DPP6: variants seen among roughly 807,000 people sequenced by gnomAD.
DPP6 encodes the protein A-type potassium channel modulatory protein DPP6.
Under a neutral mutation model 122.6 loss-of-function variants are expected in DPP6, and 69 were observed. That is an observed-to-expected ratio of 0.56 (90% CI 0.46 to 0.69). DPP6 has a LOEUF of 0.69. Among genes scored for constraint, DPP6 ranks in the 30% least tolerant of loss-of-function variants. The pLI is 0.00. For missense variants in DPP6, 928 were observed against 1,116.9 expected, an observed-to-expected ratio of 0.83 and a Z score of 2.41; for synonymous variants, 418 against 433.1, an observed-to-expected ratio of 0.97 and a Z score of 0.43.
chr7:154,260,390 T>C (rs1027707196), intron 1 of DPP6, among the ~76,000 whole-genome samples: 5 of 152,098 alleles, frequency 3.3e-5, no homozygotes, highest in Admixed American at 6.6e-5. Flanking sequence ...GGTGCACCTA[T>C]CGCCCAAGCA....
the DPP6 span, among the ~76,000 whole-genome samples, chr7:153,863,601 G>T: frequency 6.6e-6 from 1 of 152,054 alleles, no homozygotes; most frequent in Non-Finnish European, 1.5e-5. Context: ...AAATAAATAC[G>T]ACGTGGAAAT....
At chr7:154,474,704 G>A (rs1822569693) in intron 2 of DPP6, among the ~76,000 whole-genome samples, 2 of 152,082 alleles carry the variant, frequency 1.3e-5, no homozygotes, top group African/African-American at 4.8e-5. Context: ...CTTACATGCT[G>A]CAGGTGTGGG....
At chr7:154,214,061 A>G (rs1232352803) in intron 1 of DPP6, among the ~76,000 whole-genome samples, 2 of 152,208 alleles carry the variant, frequency 1.3e-5, no homozygotes, top group African/African-American at 4.8e-5. Context: ...GAAGCCCCCA[A>G]GGACAGCTGG....
At chr7:154,425,648 G>GTGTTTT (rs1817856231) in intron 1 of DPP6, among the ~76,000 whole-genome samples, 3 of 147,516 alleles carry the variant, frequency 2.0e-5, no homozygotes, top group Non-Finnish European at 4.4e-5. Context: ...GTGTGTGTGT[G>GTGTTTT]TGTGTGTTTA....
At chr7:154,674,190 T>A (rs1407805150) in intron 7 of DPP6, among the ~76,000 whole-genome samples, 2 of 152,202 alleles carry the variant, frequency 1.3e-5, no homozygotes, top group Admixed American at 6.5e-5. Flanking sequence ...ATGTTTCTTT[T>A]CTTTGATCTT....
chr7:153,978,323 CAT>C (rs1186036871), intron 1 of DPP6, among the ~76,000 whole-genome samples: 7 of 152,156 alleles, frequency 4.6e-5, no homozygotes, highest in Non-Finnish European at 8.8e-5. Flanking sequence ...AGATTTTTTT[CAT>C]ATGTTTGTTG....
chr7:154,000,746 G>A (rs949039439), intron 1 of DPP6, among the ~76,000 whole-genome samples: 12 of 152,048 alleles, frequency 7.9e-5, no homozygotes, highest in South Asian at 4.2e-4. Context: ...GCTCTTCTTC[G>A]CGTATTCATC....
intron 1 of DPP6, among the ~76,000 whole-genome samples, chr7:154,419,494 C>T (rs945668307): frequency 1.3e-5 from 2 of 152,204 alleles, no homozygotes; most frequent in Non-Finnish European, 2.9e-5. Flanking sequence ...GTGCAGAATG[C>T]GTTCTCCTTT....
rs546132862 is a variant in DPP6 at position 154,337,290 on chromosome 7, C to G, written c.244-108924C>G. 8.5e-4 allele frequency among the ~76,000 whole-genome samples: 130 copies of G among 152,328 alleles called. 1 individual carries two copies. The highest frequency in any genetic ancestry group is 1.6e-3 in the Admixed American group (25 of 15,308). ...GCCCCCGGCCAGGGTGGTACCCACA[C>G]ACATCTGCACATGACTTTCTCAGTC... On this transcript the variant is annotated intron_variant, in intron 1 of 25. Transcript: ENST00000377770.
intron 2 of DPP6, among the ~76,000 whole-genome samples, chr7:154,450,028 A>ATAAG (rs2151296032): frequency 6.6e-6 from 1 of 151,044 alleles, no homozygotes; most frequent in South Asian, 2.1e-4. Context: ...AAATAAATAA[A>ATAAG]TAAATAAATA....
the DPP6 span, among the ~76,000 whole-genome samples, chr7:153,843,159 T>TGTGCATACACACACGA: frequency 2.0e-5 from 3 of 150,396 alleles, no homozygotes; most frequent in Non-Finnish European, 3.0e-5. Flanking sequence ...CATGCACATA[T>TGTGCATACACACACGA]GTGCATACAC....
At chr7:154,071,888 A>G (rs1172053996) in intron 1 of DPP6, among the ~76,000 whole-genome samples, 4 of 152,054 alleles carry the variant, frequency 2.6e-5, no homozygotes, top group Non-Finnish European at 4.4e-5. Context: ...AATGCAGCTA[A>G]ATTAGTCTAA....
intron 1 of DPP6, among the ~76,000 whole-genome samples, chr7:154,181,847 C>G (rs1245043090): frequency 6.6e-6 from 1 of 150,462 alleles, no homozygotes; most frequent in Non-Finnish European, 1.5e-5. Context: ...CCTCCCTGTT[C>G]AAGTGATTCT....
chr7:154,291,632 GAATTTCT>G (rs1805218241), intron 1 of DPP6, among the ~76,000 whole-genome samples: 1 of 152,120 alleles, frequency 6.6e-6, no homozygotes, highest in Admixed American at 6.5e-5. Context: ...ACAGACTCCT[GAATTTCT>G]AAGTTCAGGT....
chr7:153,890,189 A>G (rs546313620), intron 1 of DPP6, among the ~76,000 whole-genome samples: 1 of 152,388 alleles, frequency 6.6e-6, no homozygotes, highest in East Asian at 1.9e-4. Context: ...TCTACTTTGC[A>G]GTAACAGTGA....
intron 1 of DPP6, among the ~76,000 whole-genome samples, chr7:154,383,972 C>G (rs147798026): frequency 6.6e-6 from 1 of 152,020 alleles, no homozygotes; most frequent in African/African-American, 2.4e-5. Context: ...CTTTAAACTC[C>G]TCTGCAAGAG....
intron 1 of DPP6, among the ~76,000 whole-genome samples, chr7:153,930,528 A>G (rs749656782): frequency 1.1e-4 from 17 of 152,204 alleles, no homozygotes; most frequent in Non-Finnish European, 2.2e-4. Context: ...TGAAATATAC[A>G]TACACTGTGT....
intron 1 of DPP6, among the ~76,000 whole-genome samples, chr7:154,033,172 G>T (rs1452576116): frequency 6.6e-6 from 1 of 152,204 alleles, no homozygotes; most frequent in African/African-American, 2.4e-5. Context: ...TGAGTCCAGA[G>T]GTTCGGCCAC....
At position 154,412,991 on chromosome 7, in the gene DPP6, G is replaced by A. The variant is rs141938815; in HGVS notation, c.244-33223G>A. On this transcript the variant is annotated intron_variant, in intron 1 of 25. Coordinates refer to ENST00000377770, the MANE Select transcript of DPP6 (RefSeq NM_130797.4). ...GCTCTTTTAGAAGATTCCACATGTG[G>A]TCCAAGAGGCATCAGCATCCCCTGG... Among the ~76,000 whole-genome samples the A allele has an allele frequency of 4.3e-3, 656 of 152,282 alleles. 5 individuals carry two copies. The highest frequency in any genetic ancestry group is 0.015 in the African/African-American group (615 of 41,554).
Sources: allele counts gnomAD v4.1 joint callset (sites outside exome capture counted in the v4.1 genomes callset), GRCh38; gene constraint gnomAD v4.1.1; transcripts MANE v1.5; gene names NCBI Gene and HGNC (gene_info 2026-07-23, HGNC 2026-07-21).